KL: variants seen among roughly 807,000 people sequenced by gnomAD.
KL encodes the protein klotho.
A neutral mutation model predicts 84.2 loss-of-function variants in KL; 62 were observed. The ratio of observed to expected loss-of-function variants is 0.74; its 90% confidence interval spans 0.60 to 0.91. The LOEUF (loss-of-function observed/expected upper bound fraction) is 0.91, where lower values mean the gene tolerates loss of function less well. Among genes scored for constraint, KL ranks in the 40% least tolerant of loss-of-function variants. KL has a pLI of 0.00. For missense variants in KL, 1,261 were observed against 1,305.7 expected, an observed-to-expected ratio of 0.97 and a Z score of 0.53; for synonymous variants, 528 against 528.0, an observed-to-expected ratio of 1.00 and a Z score of 0.00.
chr13:33,022,947 G>A (rs2138191434), intron 1 of KL, among the ~76,000 whole-genome samples: 1 of 152,338 alleles, frequency 6.6e-6, no homozygotes, highest in East Asian at 1.9e-4. Context: ...GTTTTAAAGA[G>A]TGAGGAAGAA....
chr13:33,031,363 G>C (rs1870965814), intron 1 of KL, among the ~76,000 whole-genome samples: 1 of 152,168 alleles, frequency 6.6e-6, no homozygotes, highest in Non-Finnish European at 1.5e-5. Flanking sequence ...GGAAGGAAGA[G>C]CTCTGGGTGA....
At chr13:33,032,093 T>C (rs1414185985) in intron 1 of KL, among the ~76,000 whole-genome samples, 1 of 152,118 alleles carries the variant, frequency 6.6e-6, no homozygotes, top group Non-Finnish European at 1.5e-5. Context: ...ACAGGTTACA[T>C]CTAGGGGTGT....
In KL at chr13:33,017,000, C is replaced by T. The variant is rs761695698; in HGVS notation, c.560C>T (p.Pro187Leu). 98 of 1,593,068 alleles carry T rather than the reference C, an allele frequency of 6.2e-5. No individual in the cohort carries two copies. Among genetic ancestry groups the T allele is most frequent in the Non-Finnish European group, 8.0e-5 (94 of 1,173,452 alleles). The change falls in exon 1 of 5, where the codon CCC becomes CTC. Residue 187 changes from proline (P) to leucine (L), a missense_variant. Coordinates refer to ENST00000380099, the MANE Select transcript of KL (RefSeq NM_004795.4). ...LERLRELGVQ[P>L]VVTLYHWDLP... ...CGGCTGCGGGAGCTGGGCGTGCAGC[C>T]CGTGGTCACCCTGTACCACTGGGAC...
intron 4 of KL, among the ~76,000 whole-genome samples, chr13:33,062,672 C>CAAAAA (rs35287139): frequency 5.9e-5 from 4 of 68,058 alleles, no homozygotes; most frequent in Middle Eastern, 9.8e-3. Context: ...GACTCCATCT[C>CAAAAA]AAAAAAAAAA....
Position 33,063,905 on chromosome 13 carries a change from C to T in KL, c.2758C>T (p.Arg920Cys), listed in dbSNP as rs745808758. 2.4e-5 allele frequency: 38 copies of T among 1,614,030 alleles called. No homozygotes were observed. Among genetic ancestry groups the T allele is most frequent in the South Asian group, 1.8e-4 (16 of 91,082 alleles). The change falls in exon 5 of 5, where the codon CGC (arginine) becomes TGC (cysteine). Residue 920 changes from arginine to cysteine, a missense_variant. Physicochemically the swap from Arg to Cys is radical, Grantham distance 180. Coordinates refer to ENST00000380099, the MANE Select transcript of KL (RefSeq NM_004795.4). ...CGYFAYSFND[R>C]TAPRFGLYRY... ...ATACTTTGCTTATTCGTTTAACGAC[C>T]GCACAGCTCCGAGGTTTGGCCTCTA...
At chr13:33,030,667 G>C (rs1381986288) in intron 1 of KL, among the ~76,000 whole-genome samples, 1 of 152,116 alleles carries the variant, frequency 6.6e-6, no homozygotes, top group Admixed American at 6.6e-5. Flanking sequence ...ACAACAGAAG[G>C]GCAAGGGGTG....
At position 33,064,145 on chromosome 13, in the gene KL, A is replaced by T. The variant is rs781518232; in HGVS notation, c.2998A>T (p.Ile1000Leu). ...TGCTTCTATTATTTCTCTCTCCCTT[A>T]TATTTTACTACTCGAAGAAAGGCAG... ...FFASIISLSL[I>L]FYYSKKGRRS... The change falls in exon 5 of 5, where the codon ATA becomes TTA. Residue 1000 changes from isoleucine to leucine, a missense_variant. Transcript: ENST00000380099. 1 of 1,612,144 alleles carries T rather than the reference A, an allele frequency of 6.2e-7. No individual in the cohort carries two copies. The highest frequency in any genetic ancestry group is 1.7e-5 in the Admixed American group (1 of 59,868).
At chr13:33,045,409 C>A (rs1384216838) in intron 1 of KL, among the ~76,000 whole-genome samples, 1 of 152,216 alleles carries the variant, frequency 6.6e-6, no homozygotes, top group Non-Finnish European at 1.5e-5. Context: ...ATCTTCCTTT[C>A]AATCCTGATG....
At chr13:33,058,690 G>A (rs746413785) in intron 3 of KL, among the ~76,000 whole-genome samples, 1 of 151,702 alleles carries the variant, frequency 6.6e-6, no homozygotes, top group Non-Finnish European at 1.5e-5. Context: ...TGATACCCTA[G>A]TCTTTCATAT....
At chr13:33,052,362 C>A (rs1871786510) in intron 1 of KL, among the ~76,000 whole-genome samples, 1 of 152,152 alleles carries the variant, frequency 6.6e-6, no homozygotes, top group African/African-American at 2.4e-5. Flanking sequence ...TAGGAGACAT[C>A]ATAAAACTGA....
At chr13:33,032,503 T>C (rs1871007419) in intron 1 of KL, among the ~76,000 whole-genome samples, 1 of 152,176 alleles carries the variant, frequency 6.6e-6, no homozygotes. Context: ...GGTCTCAGAT[T>C]AGTAGCCTCT....
In KL at chr13:33,063,991, T is replaced by C. The variant is rs1566510914; in HGVS notation, c.2844T>C (p.Ile948=). The C allele has an allele frequency of 1.9e-6, 3 of 1,614,174 alleles. No individual in the cohort carries two copies. The highest frequency in any genetic ancestry group is 2.2e-5 in the East Asian group (1 of 44,890). ...CCATGAAACATTACAGGAAAATTATTGACAGCAATGGTTTCCCGGGCCCAG... is the reference window on the plus strand; with the variant it reads ...CCATGAAACATTACAGGAAAATTATCGACAGCAATGGTTTCCCGGGCCCAG... ...KASMKHYRKI[I]DSNGFPGPET... is the part of the protein sequence containing the mutation. The change falls in exon 5 of 5, where the codon ATT becomes ATC. Residue 948 remains isoleucine (I), a synonymous_variant. Coordinates refer to ENST00000380099, the MANE Select transcript of KL (RefSeq NM_004795.4).
chr13:33,038,728 C>T (rs1432652457), intron 1 of KL, among the ~76,000 whole-genome samples: 1 of 152,000 alleles, frequency 6.6e-6, no homozygotes, highest in Non-Finnish European at 1.5e-5. Flanking sequence ...ATTAGGAAAT[C>T]AATAAGTAAT....
Position 33,061,581 on chromosome 13 carries a change from C to G in KL, c.2502C>G (p.Thr834=). The change falls in exon 4 of 5, where the codon ACC becomes ACG. Residue 834 remains threonine, a synonymous_variant. Coordinates refer to ENST00000380099, the MANE Select transcript of KL (RefSeq NM_004795.4). ...YNDYLEVQEM[T]DITWLNSPSQ... is the part of the protein sequence containing the mutation. Reference sequence around the variant, plus strand: ...ATTACCTAGAAGTGCAAGAAATGACCGACATCACGTGGCTCAACTCCCCCA... The same window carrying G: ...ATTACCTAGAAGTGCAAGAAATGACGGACATCACGTGGCTCAACTCCCCCA... The G allele has an allele frequency of 6.2e-7, 1 of 1,614,144 alleles. No individual in the cohort carries two copies.
intron 1 of KL, among the ~76,000 whole-genome samples, chr13:33,026,332 C>A (rs1870775111): frequency 6.6e-6 from 1 of 152,048 alleles, no homozygotes; most frequent in Non-Finnish European, 1.5e-5. Flanking sequence ...TGGGGGCGGT[C>A]TATTTCACAG....
rs768118214 is a variant in KL, at chr13:33,064,190, T to A, written c.*4T>A. 3 of 1,579,542 alleles carry A rather than the reference T, an allele frequency of 1.9e-6. No individual in the cohort carries two copies. In the South Asian group the frequency reaches 3.3e-5, roughly 18 times the overall value. On this transcript the variant is annotated 3_prime_UTR_variant, in exon 5 of 5. Transcript: ENST00000380099. ...AGGCAGAAGAAGTTACAAATAGTTC[T>A]GAACATTTTTCTATTCATTCATTTT...
chr13:33,047,856 TGTGA>T (rs1871594573), intron 1 of KL, among the ~76,000 whole-genome samples: 2 of 152,088 alleles, frequency 1.3e-5, no homozygotes, highest in Non-Finnish European at 2.9e-5. Flanking sequence ...TTAATATCTT[TGTGA>T]GTTTTAGGGA....
rs1870370654 is a variant in KL at position 33,016,930 on chromosome 13, G to A, written c.490G>A (p.Val164Ile). 1 of 1,609,538 alleles carries A rather than the reference G, an allele frequency of 6.2e-7. No homozygotes were observed. The highest frequency in any genetic ancestry group is 8.5e-7 in the Non-Finnish European group (1 of 1,179,030). ...ARVLPNGSAG[V>I]PNREGLRYYR... ...AGTGCTCCCCAATGGCAGCGCGGGC[G>A]TCCCCAACCGCGAGGGGCTGCGCTA... The change falls in exon 1 of 5, where the codon GTC (valine) becomes ATC (isoleucine). Residue 164 changes from valine to isoleucine, a missense_variant. Physicochemically the swap from Val to Ile is conservative, Grantham distance 29. Coordinates refer to ENST00000380099, the MANE Select transcript of KL (RefSeq NM_004795.4).
rs377729695 is a variant in KL at position 33,061,556 on chromosome 13, A to G, written c.2477A>G (p.Asp826Gly). ...SEKEDPIKYN[D>G]YLEVQEMTDI... is the part of the protein sequence containing the mutation. ...AAAGAAGATCCAATAAAATACAATG[A>G]TTACCTAGAAGTGCAAGAAATGACC... Residue 826 changes from aspartate to glycine, a missense_variant, in exon 4 of 5, where the codon GAT (aspartate) becomes GGT (glycine). By Grantham distance (94) the Asp-to-Gly change is moderately conservative. Coordinates refer to ENST00000380099, the MANE Select transcript of KL (RefSeq NM_004795.4). 12 of 1,614,096 alleles carry G rather than the reference A, an allele frequency of 7.4e-6. No individual in the cohort carries two copies. Among genetic ancestry groups the G allele is most frequent in the Non-Finnish European group, 8.5e-6 (10 of 1,180,048 alleles).
Sources: allele counts gnomAD v4.1 joint callset (sites outside exome capture counted in the v4.1 genomes callset), GRCh38; gene constraint gnomAD v4.1.1; transcripts MANE v1.5; gene names NCBI Gene and HGNC (gene_info 2026-07-23, HGNC 2026-07-21).